The following ADA variants were observed in gnomAD, a reference collection of about 807,000 sequenced individuals.
The protein encoded by ADA is adenosine deaminase.
In ADA, 45 loss-of-function variants were observed where a neutral mutation model predicts 49.0. That is an observed-to-expected ratio of 0.92 (90% confidence interval 0.72 to 1.18). The LOEUF is 1.18. ADA is among the 50% of genes most tolerant of loss of function. The pLI is 0.00. For missense variants in ADA, 445 were observed against 472.5 expected (o/e 0.94, Z 0.54); for synonymous variants, 173 against 184.2 (o/e 0.94, Z 0.49).
At chr20:44,631,994 C>A (rs562461112) in intron 2 of ADA, among the ~76,000 whole-genome samples, 1 of 152,210 alleles carries the variant, frequency 6.6e-6, no homozygotes, top group African/African-American at 2.4e-5. Context: ...GGCGCCTCCC[C>A]GTGCCCAGCA....
chr20:44,626,479 C>T lies in ADA; in HGVS notation c.339G>A (p.Glu113=). ...SPHLLANSKV[E]PIPWNQAEGD... Reference sequence around the variant, plus strand: ...ACTCAGCCTGGTTCCAGGGGATTGGCTCCACTTTGGAGTTGGCCAGCAGGT... The same window carrying T: ...ACTCAGCCTGGTTCCAGGGGATTGGTTCCACTTTGGAGTTGGCCAGCAGGT... Residue 113 remains glutamate (E), a synonymous_variant, in exon 4 of 12, where the codon GAG becomes GAA. Coordinates refer to ENST00000372874, the MANE Select transcript of ADA (RefSeq NM_000022.4). The T allele has an allele frequency of 6.2e-7, 1 of 1,614,032 alleles. No homozygotes were observed. The highest frequency in any genetic ancestry group is 8.5e-7 in the Non-Finnish European group (1 of 1,180,030).
chr20:44,622,901 C>A lies in ADA; in HGVS notation c.708G>T (p.Leu236=), dbSNP rs757155433. 1 of 1,614,220 alleles carries A rather than the reference C, an allele frequency of 6.2e-7. No homozygotes were observed. Among genetic ancestry groups the A allele is most frequent in the Non-Finnish European group, 8.5e-7 (1 of 1,180,036 alleles). ...CTTCCAGGGTGTGGTAGCCGTGTCC[C>A]AGCCGCTCTGTCTTGAGTATGTCCA... ...EAVDILKTER[L]GHGYHTLEDQ... is the part of the protein sequence containing the mutation. The change falls in exon 8 of 12, where the codon CTG becomes CTT. Residue 236 remains leucine (L), a synonymous_variant. Coordinates refer to ENST00000372874, the MANE Select transcript of ADA (RefSeq NM_000022.4).
chr20:44,644,228 C>T (rs2065566853), intron 1 of ADA, among the ~76,000 whole-genome samples: 1 of 151,934 alleles, frequency 6.6e-6, no homozygotes. Flanking sequence ...GTTTTGTTTT[C>T]GTCTGACTTT....
At chr20:44,637,321 G>A (rs923374602) in intron 1 of ADA, among the ~76,000 whole-genome samples, 6 of 152,046 alleles carry the variant, frequency 3.9e-5, no homozygotes, top group Non-Finnish European at 7.4e-5. Context: ...GGAATATTAT[G>A]CCCCCGTGTC....
In ADA at chr20:44,619,531, C is replaced by T; in HGVS notation, c.*303G>A. 1 of 403,618 alleles carries T rather than the reference C, an allele frequency of 2.5e-6. No homozygotes were observed. Among genetic ancestry groups the T allele is most frequent in the Non-Finnish European group, 4.7e-6 (1 of 214,542 alleles). The allele number at this position is 403,618 out of a possible 1,614,324, so 25.0% of individuals were successfully genotyped here. On this transcript the variant is annotated 3_prime_UTR_variant, in exon 12 of 12. Transcript: ENST00000372874. ...ATTACATGCCACCTGCTGCATGCCA[C>T]CAGCCATGGGCTTCTTTATTGAGCA...
At chr20:44,638,700 T>C (rs1600939906) in intron 1 of ADA, among the ~76,000 whole-genome samples, 1 of 151,538 alleles carries the variant, frequency 6.6e-6, no homozygotes, top group Non-Finnish European at 1.5e-5. Context: ...GGCCCCAGAG[T>C]GGGAGAGGCA....
In ADA at chr20:44,622,857, C is replaced by G; in HGVS notation, c.752G>C (p.Arg251Thr). The G allele has an allele frequency of 6.2e-7, 1 of 1,614,236 alleles. No individual in the cohort carries two copies. The highest frequency in any genetic ancestry group is 1.3e-5 in the African/African-American group (1 of 75,078). ...GAAGTGCATGTTTTCCTGCCGCAGC[C>G]TGTTATAAAGGGCCTGGTCTTCCAG... ...HTLEDQALYN[R>T]LRQENMHFEI... Residue 251 changes from arginine to threonine, a missense_variant, in exon 8 of 12, where the codon AGG becomes ACG. Coordinates refer to ENST00000372874, the MANE Select transcript of ADA (RefSeq NM_000022.4).
Position 44,625,538 on chromosome 20 carries a change from C to T in ADA, c.478+31G>A, listed in dbSNP as rs775400163. ...GAGGTCAGGGCCAGGGTGAGACGGGCGGCCCTGGGCAGGGCGGTGATCCTA... is the reference window on the plus strand; with the variant it reads ...GAGGTCAGGGCCAGGGTGAGACGGGTGGCCCTGGGCAGGGCGGTGATCCTA... On this transcript the variant is annotated intron_variant, in intron 5 of 11. Coordinates refer to ENST00000372874, the MANE Select transcript of ADA (RefSeq NM_000022.4). 4.0e-5 allele frequency: 62 copies of T among 1,542,688 alleles called. 1 individual carries two copies. Among genetic ancestry groups the T allele is most frequent in the Non-Finnish European group, 4.7e-5 (53 of 1,138,640 alleles).
intron 1 of ADA, among the ~76,000 whole-genome samples, chr20:44,641,956 C>A (rs2065540047): frequency 6.6e-6 from 1 of 151,968 alleles, no homozygotes; most frequent in Non-Finnish European, 1.5e-5. Flanking sequence ...TTAGTAGAGA[C>A]AGGGTTTCAC....
At chr20:44,649,949 C>G (rs754326884) in intron 1 of ADA, among the ~76,000 whole-genome samples, 4 of 152,122 alleles carry the variant, frequency 2.6e-5, no homozygotes, top group Non-Finnish European at 5.9e-5. Context: ...GTTGGCCAGG[C>G]TGGTCTCGAA....
intron 1 of ADA, among the ~76,000 whole-genome samples, chr20:44,640,425 T>A (rs972475497): frequency 2.1e-5 from 3 of 145,048 alleles, no homozygotes; most frequent in East Asian, 2.1e-4. Flanking sequence ...AAAAAAAAAA[T>A]ATTAACTTAT....
intron 1 of ADA, among the ~76,000 whole-genome samples, chr20:44,641,789 A>G (rs550151943): frequency 6.7e-6 from 1 of 148,408 alleles, no homozygotes; most frequent in South Asian, 2.1e-4. Flanking sequence ...TTTTTTTGAG[A>G]TGGAGTCTGG....
intron 1 of ADA, among the ~76,000 whole-genome samples, chr20:44,636,836 C>T (rs183027981): frequency 2.0e-4 from 30 of 152,282 alleles, no homozygotes; most frequent in African/African-American, 5.3e-4. Context: ...GATGGAGTCT[C>T]GCTCTGTCTC....
intron 1 of ADA, among the ~76,000 whole-genome samples, chr20:44,637,539 C>G (rs952305879): frequency 3.9e-5 from 6 of 152,226 alleles, no homozygotes; most frequent in Non-Finnish European, 8.8e-5. Flanking sequence ...AGGGGAGATC[C>G]AGAAAACTCT....
chr20:44,634,411 TCTAA>T (rs1568850220), intron 2 of ADA, among the ~76,000 whole-genome samples: 1 of 152,152 alleles, frequency 6.6e-6, no homozygotes, highest in Admixed American at 6.5e-5. Flanking sequence ...TACCAAAACC[TCTAA>T]CTGACAGGGG....
Position 44,619,728 on chromosome 20 carries a change from A to G in ADA, c.*106T>C. The G allele has an allele frequency of 6.9e-7, 1 of 1,448,018 alleles. No individual in the cohort carries two copies. Among genetic ancestry groups the G allele is most frequent in the Admixed American group, 1.7e-5 (1 of 59,422 alleles). 89.7% of individuals were successfully genotyped at this position (1,448,018 alleles called of 1,614,324 possible). ...TAGGGTTCAGGAGCATCAGTAACTG[A>G]CTATTGAGATCATGGTCTTCTTGGA... is the stretch of plus-strand genomic sequence containing the variant. On this transcript the variant is annotated 3_prime_UTR_variant, in exon 12 of 12. Coordinates refer to ENST00000372874, the MANE Select transcript of ADA (RefSeq NM_000022.4).
At chr20:44,630,762 C>A (rs1174327524) in intron 2 of ADA, among the ~76,000 whole-genome samples, 1 of 152,212 alleles carries the variant, frequency 6.6e-6, no homozygotes, top group East Asian at 1.9e-4. Flanking sequence ...GTGGCTCATA[C>A]CTGTAATCAC....
intron 1 of ADA, among the ~76,000 whole-genome samples, chr20:44,639,548 G>C (rs1030434333): frequency 6.6e-6 from 1 of 152,074 alleles, no homozygotes; most frequent in Non-Finnish European, 1.5e-5. Flanking sequence ...GAGTAGTTGG[G>C]ACTACAGGCA....
intron 9 of ADA, among the ~76,000 whole-genome samples, chr20:44,622,333 G>A (rs890376331): frequency 2.0e-5 from 3 of 152,340 alleles, no homozygotes; most frequent in East Asian, 1.9e-4. Context: ...GTAATGGAGC[G>A]TTCTGCTCCA....
Sources: gnomAD v4.1 joint callset for allele counts (sites outside exome capture counted in the v4.1 genomes callset) on GRCh38, gnomAD v4.1.1 for gene constraint, MANE v1.5 for transcripts, NCBI Gene and HGNC (gene_info 2026-07-23, HGNC 2026-07-21) for gene names.